Variants in PAPSS1 observed in about 807,000 individuals in gnomAD.
The protein encoded by PAPSS1 is bifunctional 3'-phosphoadenosine 5'-phosphosulfate synthase 1.
A neutral mutation model predicts 72.0 loss-of-function variants in PAPSS1; 50 were observed. The ratio of observed to expected loss-of-function variants is 0.69; its 90% CI spans 0.55 to 0.88. The LOEUF is 0.88. Among genes scored for constraint, PAPSS1 ranks in the 40% least tolerant of loss-of-function variants. The pLI, the probability that PAPSS1 is intolerant of heterozygous loss-of-function variation, is 0.00. For missense variants in PAPSS1, 657 were observed against 782.2 expected, an observed-to-expected ratio of 0.84 and a Z score of 1.91; for synonymous variants, 261 against 263.6, an observed-to-expected ratio of 0.99 and a Z score of 0.09.
chr4:107,714,800 T>A (rs1210423283), intron 1 of PAPSS1, among the ~76,000 whole-genome samples: 1 of 152,162 alleles, frequency 6.6e-6, no homozygotes, highest in Non-Finnish European at 1.5e-5. Flanking sequence ...CATAGAGAAC[T>A]ACTCCTCAAA....
At chr4:107,638,345 G>A (rs112789643) in intron 10 of PAPSS1, among the ~76,000 whole-genome samples, 6 of 152,182 alleles carry the variant, frequency 3.9e-5, no homozygotes, top group South Asian at 2.1e-4. Flanking sequence ...TCTTCATTTC[G>A]TATATGAGGC....
chr4:107,647,288 A>G (rs1330158839), intron 9 of PAPSS1, among the ~76,000 whole-genome samples: 1 of 152,252 alleles, frequency 6.6e-6, no homozygotes, highest in Admixed American at 6.5e-5. Context: ...GACTGGTGAC[A>G]GCACTACCAC....
intron 1 of PAPSS1, among the ~76,000 whole-genome samples, chr4:107,708,348 G>A (rs2125940206): frequency 6.6e-6 from 1 of 152,258 alleles, no homozygotes; most frequent in Non-Finnish European, 1.5e-5. Context: ...CATTGATACT[G>A]GCTAAGGAGG....
At chr4:107,718,500 G>A (rs1372975174) in intron 1 of PAPSS1, 1 of 152,230 alleles carries the variant, frequency 6.6e-6, no homozygotes, top group Non-Finnish European at 1.5e-5. Flanking sequence ...AAAACGCCCA[G>A]GCGAAACTAA....
chr4:107,706,130 T>C (rs1297724774), intron 1 of PAPSS1, among the ~76,000 whole-genome samples: 1 of 152,232 alleles, frequency 6.6e-6, no homozygotes, highest in East Asian at 1.9e-4. Flanking sequence ...GAGGTAGTCT[T>C]GTTTGGATTG....
chr4:107,618,396 C>T (rs1224964152), intron 11 of PAPSS1, among the ~76,000 whole-genome samples: 28 of 142,990 alleles, frequency 2.0e-4, no homozygotes, highest in Admixed American at 1.3e-3. Flanking sequence ...TTTAAGGAAA[C>T]GAGAGAAGGC....
At chr4:107,622,857 GCCCATTA>G (rs1167114215) in intron 11 of PAPSS1, among the ~76,000 whole-genome samples, 1 of 152,146 alleles carries the variant, frequency 6.6e-6, no homozygotes, top group East Asian at 1.9e-4. Flanking sequence ...AAAACTCTCT[GCCCATTA>G]CCTGTGGAAT....
intron 1 of PAPSS1, among the ~76,000 whole-genome samples, chr4:107,716,457 C>T (rs1723641162): frequency 6.6e-6 from 1 of 152,194 alleles, no homozygotes; most frequent in Non-Finnish European, 1.5e-5. Context: ...AAACCAGAGA[C>T]TGCATATGCT....
intron 1 of PAPSS1, among the ~76,000 whole-genome samples, chr4:107,716,812 C>T (rs1723650665): frequency 6.6e-6 from 1 of 152,210 alleles, no homozygotes; most frequent in African/African-American, 2.4e-5. Context: ...GTAATTCTAA[C>T]CATTTCCCAG....
chr4:107,643,391 T>G (rs527679346), intron 10 of PAPSS1, among the ~76,000 whole-genome samples: 14 of 152,160 alleles, frequency 9.2e-5, no homozygotes. Context: ...CTATTTCCCA[T>G]GCAACTTTGG....
intron 9 of PAPSS1, among the ~76,000 whole-genome samples, chr4:107,652,814 C>T (rs1280535533): frequency 6.6e-6 from 1 of 152,074 alleles, no homozygotes; most frequent in Non-Finnish European, 1.5e-5. Flanking sequence ...AAAATTTGTA[C>T]CCAAAGACAG....
At chr4:107,662,043 C>A (rs1392336527) in intron 5 of PAPSS1, among the ~76,000 whole-genome samples, 1 of 152,100 alleles carries the variant, frequency 6.6e-6, no homozygotes, top group Non-Finnish European at 1.5e-5. Flanking sequence ...AAGTCTCTGA[C>A]CTTTCTAATA....
intron 10 of PAPSS1, among the ~76,000 whole-genome samples, chr4:107,636,979 A>G (rs1726402416): frequency 6.6e-6 from 1 of 152,234 alleles, no homozygotes; most frequent in South Asian, 2.1e-4. Context: ...TAGTGAGAAT[A>G]GGAAAGTAGT....
At chr4:107,697,899 G>C (rs955002858) in intron 2 of PAPSS1, among the ~76,000 whole-genome samples, 10 of 152,066 alleles carry the variant, frequency 6.6e-5, no homozygotes, top group Non-Finnish European at 1.5e-4. Context: ...TTCTTACAAG[G>C]CTATAAGACA....
intron 1 of PAPSS1, among the ~76,000 whole-genome samples, chr4:107,713,097 C>T (rs966997510): frequency 2.6e-5 from 4 of 151,836 alleles, no homozygotes; most frequent in African/African-American, 7.2e-5. Flanking sequence ...CAGGCACATG[C>T]CACCATGCGT....
chr4:107,671,325 G>T (rs774088802), intron 5 of PAPSS1, among the ~76,000 whole-genome samples: 1 of 151,070 alleles, frequency 6.6e-6, no homozygotes. Context: ...GAGCCTACAC[G>T]TAGGAAAAGT....
At chr4:107,644,661 C>G in intron 10 of PAPSS1, 141 bp downstream of exon 10, 1 of 766,616 alleles carries the variant, frequency 1.3e-6, no homozygotes, top group African/African-American at 1.8e-5. Flanking sequence ...ATATCCCTAA[C>G]GAGCAGGAAA....
At chr4:107,695,247 T>C (rs1000079861) in intron 2 of PAPSS1, among the ~76,000 whole-genome samples, 17 of 152,192 alleles carry the variant, frequency 1.1e-4, no homozygotes, top group African/African-American at 3.9e-4. Flanking sequence ...TTACTCTCTT[T>C]GTAGCAATTG....
chr4:107,673,485 A>G (rs908217882), intron 5 of PAPSS1, among the ~76,000 whole-genome samples: 34 of 152,206 alleles, frequency 2.2e-4, no homozygotes, highest in African/African-American at 8.0e-4. Flanking sequence ...AATGAATGAA[A>G]TGAAGCGAGA....
Sources: allele counts gnomAD v4.1 joint callset (sites outside exome capture counted in the v4.1 genomes callset), GRCh38; gene constraint gnomAD v4.1.1; transcripts MANE v1.5; gene names NCBI Gene and HGNC (gene_info 2026-07-23, HGNC 2026-07-21).